Variants in CSMD2 observed in about 807,000 individuals in gnomAD.
CSMD2 encodes CUB and Sushi multiple domains 2.
In CSMD2, 130 loss-of-function variants were observed where a neutral mutation model predicts 398.5. That is an observed-to-expected ratio of 0.33 (90% CI 0.28 to 0.38). CSMD2 has a LOEUF of 0.38. Ranked by LOEUF, CSMD2 falls within the 10% of genes least tolerant of loss-of-function variation. CSMD2 has a pLI of 1.00. For missense variants in CSMD2, 3,829 were observed against 4,764.9 expected (o/e 0.80, Z 5.78); for synonymous variants, 1,828 against 1,908.5 (o/e 0.96, Z 1.10).
intron 41 of CSMD2, among the ~76,000 whole-genome samples, chr1:33,606,580 G>A (rs182446044): frequency 1.2e-3 from 177 of 152,318 alleles, no homozygotes; most frequent in African/African-American, 4.1e-3. Context: ...CCTGCAGCAC[G>A]GGGGTTTGGG....
chr1:34,102,050 A>G (rs2148413826), intron 1 of CSMD2, among the ~76,000 whole-genome samples: 1 of 144,732 alleles, frequency 6.9e-6, no homozygotes, highest in Non-Finnish European at 1.5e-5. Flanking sequence ...TTTTTTTTTG[A>G]GACAGAGTCT....
At chr1:33,735,446 CG>C (rs1646855373) in intron 15 of CSMD2, among the ~76,000 whole-genome samples, 1 of 152,072 alleles carries the variant, frequency 6.6e-6, no homozygotes, top group South Asian at 2.1e-4. Context: ...CTTCACTACC[CG>C]GAAGTCTTTC....
At chr1:33,832,944 A>G (rs1394741796) in intron 6 of CSMD2, among the ~76,000 whole-genome samples, 4 of 152,168 alleles carry the variant, frequency 2.6e-5, no homozygotes, top group Non-Finnish European at 5.9e-5. Flanking sequence ...TCCCAAGACT[A>G]AACCAGGAAG....
intron 3 of CSMD2, among the ~76,000 whole-genome samples, chr1:33,999,121 C>G (rs1461298982): frequency 2.0e-5 from 3 of 152,184 alleles, no homozygotes; most frequent in Non-Finnish European, 4.4e-5. Flanking sequence ...TAAGCCAAGA[C>G]TTATCTAAGT....
chr1:33,669,857 G>C (rs1644434750), intron 25 of CSMD2, among the ~76,000 whole-genome samples: 1 of 152,168 alleles, frequency 6.6e-6, no homozygotes, highest in African/African-American at 2.4e-5. Flanking sequence ...CCATGTGATG[G>C]AGGCACAGAT....
At position 33,519,408 on chromosome 1, in the gene CSMD2, G is replaced by A. The variant is rs190091468; in HGVS notation, c.*53+57C>T. The A allele has an allele frequency of 1.7e-3, 1,820 of 1,092,918 alleles. 5 individuals are homozygous for A. Among genetic ancestry groups the A allele is most frequent in the Non-Finnish European group, 2.0e-3 (1,442 of 738,480 alleles). The allele number at this position is 1,092,918 out of a possible 1,614,324, so 67.7% of individuals were successfully genotyped here. ...CTCCGTTGGGTGGAGCCCCTGGCAC[G>A]CATAGGTCCCTGTCTGTGCTTGTCA... On this transcript the variant is annotated intron_variant, in intron 70 of 70. Transcript: ENST00000373381. This position sits in a 1 kb window ranked among gnomAD's most constrained non-coding sequence, Gnocchi z 5.6.
intron 44 of CSMD2, chr1:33,592,583 C>A: frequency 1.4e-6 from 1 of 696,376 alleles, no homozygotes; most frequent in South Asian, 1.5e-5. Context: ...GGTTTTGGAT[C>A]TGCAATTCTC....
chr1:34,091,292 G>C (rs1658528288), intron 1 of CSMD2, among the ~76,000 whole-genome samples: 1 of 151,978 alleles, frequency 6.6e-6, no homozygotes, highest in African/African-American at 2.4e-5. Flanking sequence ...TTAATATTTT[G>C]TTTGTATTTA....
chr1:33,700,609 C>T lies in CSMD2; in HGVS notation c.3641G>A (p.Gly1214Glu), dbSNP rs753712190. 1.2e-6 allele frequency: 2 copies of T among 1,614,130 alleles called. No individual in the cohort carries two copies. The highest frequency in any genetic ancestry group is 1.7e-6 in the Non-Finnish European group (2 of 1,180,020). The change falls in exon 23 of 71, where the codon GGG becomes GAG. Residue 1214 changes from glycine to glutamate, a missense_variant. Around this residue, in one of 5 missense-constraint regions of CSMD2, gnomAD observed 2,001 missense variants for 2,567.1 expected, o/e 0.78. Transcript: ENST00000373381. ...GCTGGATGTGCTGTTCAAAGTCACC[C>T]CCATCATCTCAGAATGGCTAAAAAC... ...LGVFSHSEMMGVTLNSTSSSL... is the reference protein window; with the variant it reads ...LGVFSHSEMMEVTLNSTSSSL...
Position 33,862,341 on chromosome 1 carries a change from CTCTGTGTG to C in CSMD2, c.921-15353_921-15346del, listed in dbSNP as rs1199182613. On this transcript the variant is annotated intron_variant, in intron 5 of 70. Transcript: ENST00000373381. ...AAGGTTAAGAGGCACAGATAAGCTA[CTCTGTGTG>C]TGTGTGTGTGTGTGTGTGTGTGTGT... The C allele has an allele frequency of 1.4e-3, 85 of 60,722 alleles. 1 individual carries two copies. The highest frequency in any genetic ancestry group is 3.9e-3 in the African/African-American group (85 of 21,706). The allele number at this position is 60,722 out of a possible 1,614,324, so 3.8% of individuals were successfully genotyped here.
chr1:33,990,617 A>G (rs1646519651), intron 3 of CSMD2, among the ~76,000 whole-genome samples: 1 of 152,120 alleles, frequency 6.6e-6, no homozygotes, highest in Non-Finnish European at 1.5e-5. Context: ...AGTCACCCCA[A>G]ACTCAAGGGA....
chr1:33,615,663 C>T (rs1347646937), intron 39 of CSMD2, among the ~76,000 whole-genome samples: 1 of 152,214 alleles, frequency 6.6e-6, no homozygotes, highest in Non-Finnish European at 1.5e-5. Context: ...AAGGCTGGCA[C>T]ATGTTGTAAA....
intron 29 of CSMD2, among the ~76,000 whole-genome samples, chr1:33,638,724 G>A (rs751328536): frequency 5.9e-5 from 9 of 152,120 alleles, no homozygotes; most frequent in Non-Finnish European, 1.3e-4. Context: ...TGGTCTTTGT[G>A]GCTCCCTGTC....
rs1446155269 is a variant in CSMD2, at chr1:33,537,336, A to G, written c.9805+100T>C. On this transcript the variant is annotated intron_variant, in intron 61 of 70. Coordinates refer to ENST00000373381, the MANE Select transcript of CSMD2 (RefSeq NM_001281956.2). This position sits in a 1 kb window ranked among gnomAD's most constrained non-coding sequence, Gnocchi z 4.6. ...GATGAGATGTTCCCTTTTGCAGATG[A>G]GACCACTGAAGACAGGGAAGGAAAG... 7.6e-7 allele frequency: 1 copy of G among 1,317,214 alleles called. No individual in the cohort carries two copies. The highest frequency in any genetic ancestry group is 1.1e-6 in the Non-Finnish European group (1 of 945,696). 81.6% of individuals were successfully genotyped at this position (1,317,214 alleles called of 1,614,324 possible). A position where few individuals can be genotyped will look rare whatever the true frequency, so the allele number is the denominator to read the frequency against.
rs1021982234 is a variant in CSMD2 at position 34,163,392 on chromosome 1, G to C, written c.187+1519C>G. Among the ~76,000 whole-genome samples, 7 of 152,212 alleles carry C rather than the reference G, an allele frequency of 4.6e-5. No individual in the cohort carries two copies. Among genetic ancestry groups the C allele is most frequent in the African/African-American group, 1.7e-4 (7 of 41,472 alleles). On this transcript the variant is annotated intron_variant, in intron 1 of 70. Coordinates refer to ENST00000373381, the MANE Select transcript of CSMD2 (RefSeq NM_001281956.2). The surrounding 1 kb of genome is among the most constrained non-coding windows in gnomAD (Gnocchi z 5.4). ...GGCTATGACTCTTAGCAGAACCTAAGAAAGTCCCGTCAGCTAGGAATGAGA... is the reference window on the plus strand; with the variant it reads ...GGCTATGACTCTTAGCAGAACCTAACAAAGTCCCGTCAGCTAGGAATGAGA...
rs776245429 is a variant in CSMD2, at chr1:33,652,412, T to C, written c.4497A>G (p.Pro1499=). ...LTGPSGVILS[P]NYPEPYPPGK... ...CTGGCGGGTAGGGTTCTGGGTAATTTGGTGAGAGGATGACTCCAGATGGTC... is the reference window on the plus strand; with the variant it reads ...CTGGCGGGTAGGGTTCTGGGTAATTCGGTGAGAGGATGACTCCAGATGGTC... Residue 1499 remains proline, a synonymous_variant, in exon 28 of 71, where the codon CCA becomes CCG. Coordinates refer to ENST00000373381, the MANE Select transcript of CSMD2 (RefSeq NM_001281956.2). 2 of 1,614,128 alleles carry C rather than the reference T, an allele frequency of 1.2e-6. No individual in the cohort carries two copies. The highest frequency in any genetic ancestry group is 1.1e-5 in the South Asian group (1 of 91,068).
intron 5 of CSMD2, among the ~76,000 whole-genome samples, chr1:33,848,907 C>T (rs548871013): frequency 1.3e-5 from 2 of 149,386 alleles, no homozygotes; most frequent in South Asian, 4.4e-4. Context: ...GGAGAATCTA[C>T]CTGAATAATT....
chr1:34,146,194 C>T (rs1639749311), intron 1 of CSMD2, among the ~76,000 whole-genome samples: 1 of 152,140 alleles, frequency 6.6e-6, no homozygotes, highest in Non-Finnish European at 1.5e-5. Flanking sequence ...CCACCAGAGC[C>T]CAGCTCAGGA....
chr1:33,673,079 C>G (rs1368152186), intron 25 of CSMD2, among the ~76,000 whole-genome samples: 1 of 152,250 alleles, frequency 6.6e-6, no homozygotes, highest in Non-Finnish European at 1.5e-5. Context: ...AGGAACGCAG[C>G]TCCTCACCAG....
Sources: allele counts gnomAD v4.1 joint callset (sites outside exome capture counted in the v4.1 genomes callset), GRCh38; gene constraint gnomAD v4.1.1; regional missense constraint gnomAD v4.1.1; non-coding constraint Gnocchi (gnomAD v3.1); transcripts MANE v1.5; gene names NCBI Gene and HGNC (gene_info 2026-07-23, HGNC 2026-07-21).